DNM3: variants seen among roughly 807,000 people sequenced by gnomAD.
The protein encoded by DNM3 is dynamin-3.
Under a neutral mutation model 101.6 loss-of-function variants are expected in DNM3, and 47 were observed. The observed-to-expected ratio is 0.46, with a 90% CI of 0.37 to 0.59. DNM3 has a LOEUF of 0.59. Among genes scored for constraint, DNM3 ranks in the 20% least tolerant of loss-of-function variants. The probability of loss-of-function intolerance (pLI) is 0.00; values close to 1 mark genes in which losing one functional copy is unlikely to be tolerated. For missense variants in DNM3, 849 were observed against 1,085.7 expected, an observed-to-expected ratio of 0.78 and a Z score of 3.06; for synonymous variants, 385 against 387.9, an observed-to-expected ratio of 0.99 and a Z score of 0.09.
chr1:172,129,297 A>G (rs75558128), intron 13 of DNM3, among the ~76,000 whole-genome samples: 1,884 of 152,330 alleles, frequency 0.012, 20 homozygotes, highest in Non-Finnish European at 0.017. Context: ...TTCATTGTGA[A>G]TAAGAATCAC....
At chr1:172,348,199 C>T (rs1012469334) in intron 17 of DNM3, among the ~76,000 whole-genome samples, 2 of 151,980 alleles carry the variant, frequency 1.3e-5, no homozygotes, top group Non-Finnish European at 2.9e-5. Flanking sequence ...AATCCAATTC[C>T]GTATACTAAA....
intron 2 of DNM3, among the ~76,000 whole-genome samples, chr1:171,984,691 A>G (rs2045114092): frequency 6.6e-6 from 1 of 152,134 alleles, no homozygotes; most frequent in African/African-American, 2.4e-5. Flanking sequence ...CTTTTACCTG[A>G]TTAGAATTTA....
At chr1:172,321,289 T>A (rs2065704321) in intron 16 of DNM3, among the ~76,000 whole-genome samples, 1 of 152,200 alleles carries the variant, frequency 6.6e-6, no homozygotes, top group Non-Finnish European at 1.5e-5. Flanking sequence ...CATATGCATT[T>A]TTTCAGCAGT....
intron 1 of DNM3, among the ~76,000 whole-genome samples, chr1:171,865,478 T>C (rs1219611404): frequency 7.9e-6 from 1 of 126,870 alleles, no homozygotes; most frequent in East Asian, 2.4e-4. Context: ...ATCCTGCCAC[T>C]GCACTCCAGC....
intron 14 of DNM3, among the ~76,000 whole-genome samples, chr1:172,240,258 G>T (rs564346687): frequency 3.3e-4 from 50 of 152,260 alleles, no homozygotes; most frequent in Admixed American, 1.6e-3. Context: ...CATTAATTTG[G>T]TTATTTGGCT....
intron 17 of DNM3, among the ~76,000 whole-genome samples, chr1:172,335,605 T>A (rs1429651846): frequency 6.6e-6 from 1 of 152,154 alleles, no homozygotes; most frequent in Non-Finnish European, 1.5e-5. Context: ...GAATACCATG[T>A]GGCCATAAAA....
chr1:171,859,873 C>A (rs747698065), intron 1 of DNM3, among the ~76,000 whole-genome samples: 1 of 152,034 alleles, frequency 6.6e-6, no homozygotes, highest in Non-Finnish European at 1.5e-5. Flanking sequence ...GCATTCCTTG[C>A]AGAAGGAACA....
Position 172,382,395 on chromosome 1 carries a change from C to A in DNM3, c.2058+3213C>A, listed in dbSNP as rs112527443. Among the ~76,000 whole-genome samples, 62 of 152,270 alleles carry A rather than the reference C, an allele frequency of 4.1e-4. No individual in the cohort carries two copies. In the South Asian group the frequency reaches 9.9e-3, roughly 24 times the overall value. On this transcript the variant is annotated intron_variant, in intron 18 of 20. Transcript: ENST00000627582. ...TCCAGCTTTATTCTAAAAATGTGTT[C>A]GGTGTGGCAAAGTGGCACATAATTC... is the stretch of plus-strand genomic sequence containing the variant.
At chr1:172,044,239 A>T in intron 8 of DNM3, 146 bp from the exon 9 acceptor site, 1 of 667,822 alleles carries the variant, frequency 1.5e-6, no homozygotes, top group Non-Finnish European at 2.5e-6. Flanking sequence ...ATATAAACAG[A>T]TGTTTTGACC....
At chr1:172,242,197 C>T (rs1396007867) in intron 14 of DNM3, among the ~76,000 whole-genome samples, 1 of 152,120 alleles carries the variant, frequency 6.6e-6, no homozygotes, top group East Asian at 1.9e-4. Flanking sequence ...GACAGGGAAG[C>T]CCATCTGGCT....
chr1:172,072,108 C>T (rs1322124743), intron 11 of DNM3, among the ~76,000 whole-genome samples: 1 of 152,132 alleles, frequency 6.6e-6, no homozygotes, highest in East Asian at 1.9e-4. Context: ...AGATATTTTG[C>T]TCCTTATAGT....
chr1:172,248,415 G>A (rs1260740898), intron 14 of DNM3, among the ~76,000 whole-genome samples: 3 of 152,060 alleles, frequency 2.0e-5, no homozygotes. Flanking sequence ...AAACACAAAA[G>A]AATGATGACA....
At chr1:172,258,959 T>C (rs897255327) in intron 15 of DNM3, among the ~76,000 whole-genome samples, 3 of 152,020 alleles carry the variant, frequency 2.0e-5, no homozygotes, top group African/African-American at 7.2e-5. Flanking sequence ...GATTTCTGTT[T>C]TTTTCAAGAA....
intron 14 of DNM3, among the ~76,000 whole-genome samples, chr1:172,153,860 C>A (rs531020729): frequency 4.6e-4 from 70 of 152,154 alleles, no homozygotes; most frequent in African/African-American, 1.7e-3. Context: ...ATTTTTTAAA[C>A]ATTAAGTGTC....
chr1:171,882,199 T>A (rs973771925), intron 1 of DNM3, among the ~76,000 whole-genome samples: 2 of 151,728 alleles, frequency 1.3e-5, no homozygotes, highest in Non-Finnish European at 2.9e-5. Flanking sequence ...CAAAATTAGC[T>A]GGGCGTGGTG....
At chr1:172,193,962 A>G (rs1361352204) in intron 14 of DNM3, among the ~76,000 whole-genome samples, 1 of 151,938 alleles carries the variant, frequency 6.6e-6, no homozygotes, top group Non-Finnish European at 1.5e-5. Context: ...TAGGGTGTCA[A>G]TTTTGGATCT....
chr1:171,952,530 G>A lies in DNM3; in HGVS notation c.235+30709G>A, dbSNP rs576707554. Among the ~76,000 whole-genome samples, 197 of 152,180 alleles carry A rather than the reference G, an allele frequency of 1.3e-3. 1 individual carries two copies. The highest frequency in any genetic ancestry group is 4.6e-3 in the African/African-American group (189 of 41,506). Reference sequence around the variant, plus strand: ...CATGTCCAACCTCCCTTTCCATCACGGCTGAGAATTCAAATTTTCAGGTTT... The same window carrying A: ...CATGTCCAACCTCCCTTTCCATCACAGCTGAGAATTCAAATTTTCAGGTTT... On this transcript the variant is annotated intron_variant, in intron 2 of 20. Coordinates refer to ENST00000627582, the MANE Select transcript of DNM3 (RefSeq NM_015569.5).
At chr1:171,881,458 A>G (rs2036260736) in intron 1 of DNM3, among the ~76,000 whole-genome samples, 1 of 152,158 alleles carries the variant, frequency 6.6e-6, no homozygotes, top group Admixed American at 6.5e-5. Flanking sequence ...TGTTAGGCCT[A>G]AGCAGAGGGC....
At chr1:171,971,699 G>C (rs796557811) in intron 2 of DNM3, among the ~76,000 whole-genome samples, 1 of 151,964 alleles carries the variant, frequency 6.6e-6, no homozygotes, top group Non-Finnish European at 1.5e-5. Flanking sequence ...GTAATTGAAG[G>C]CTTGCTAAAA....
Sources: gnomAD v4.1 joint callset for allele counts (sites outside exome capture counted in the v4.1 genomes callset) on GRCh38, gnomAD v4.1.1 for gene constraint, MANE v1.5 for transcripts, NCBI Gene and HGNC (gene_info 2026-07-23, HGNC 2026-07-21) for gene names.